PDE4D: variants seen among roughly 807,000 people sequenced by gnomAD.
PDE4D encodes the protein 3',5'-cyclic-AMP phosphodiesterase 4D.
A neutral mutation model predicts 87.4 loss-of-function variants in PDE4D; 24 were observed. The ratio of observed to expected loss-of-function variants is 0.27; its 90% confidence interval spans 0.20 to 0.39. The LOEUF (loss-of-function observed/expected upper bound fraction) is 0.39, where lower values mean the gene tolerates loss of function less well. Among genes scored for constraint, PDE4D ranks in the 10% least tolerant of loss-of-function variants. The pLI, the probability that PDE4D is intolerant of heterozygous loss-of-function variation, is 1.00. For missense variants in PDE4D, 714 were observed against 1,041.0 expected (o/e 0.69, Z 4.32); for synonymous variants, 384 against 383.2 (o/e 1.00, Z -0.02).
rs566932016 is a variant in PDE4D, at chr5:59,791,758, C to T, written c.455+101410G>A. Among the ~76,000 whole-genome samples, 10 of 152,190 alleles carry T rather than the reference C, an allele frequency of 6.6e-5. No individual in the cohort carries two copies. The South Asian group carries it at 1.7e-3, about 25-fold the overall frequency. On this transcript the variant is annotated intron_variant, in intron 1 of 14. Transcript: ENST00000340635. ...ACAGGTCTAGGAGGGAGCAGACAGCCCCGGGCTTAGAATCCTAAGACTTGA... is the reference window on the plus strand; with the variant it reads ...ACAGGTCTAGGAGGGAGCAGACAGCTCCGGGCTTAGAATCCTAAGACTTGA...
At chr5:59,415,168 T>C (rs1203368302) in intron 1 of PDE4D, among the ~76,000 whole-genome samples, 1 of 152,144 alleles carries the variant, frequency 6.6e-6, no homozygotes, top group Non-Finnish European at 1.5e-5. Context: ...TCAGAGGACT[T>C]GACCTTCTGG....
At chr5:59,507,084 C>T (rs761236320) in intron 1 of PDE4D, among the ~76,000 whole-genome samples, 3 of 152,188 alleles carry the variant, frequency 2.0e-5, no homozygotes, top group Non-Finnish European at 4.4e-5. Context: ...GTAATCCCAG[C>T]ACTTTGGCAG....
At chr5:59,576,785 C>T (rs555885891) in intron 1 of PDE4D, among the ~76,000 whole-genome samples, 18 of 152,262 alleles carry the variant, frequency 1.2e-4, no homozygotes, top group African/African-American at 3.8e-4. Flanking sequence ...AGCATTCAAC[C>T]TCTCTCAAAA....
At chr5:60,425,613 C>T (rs200964828) in intron 1 of PDE4D, among the ~76,000 whole-genome samples, 109 of 152,230 alleles carry the variant, frequency 7.2e-4, no homozygotes, top group African/African-American at 2.4e-3. Flanking sequence ...ATTCAGGACA[C>T]AGGCATGGGC....
chr5:60,075,261 G>T (rs914265072), intron 2 of PDE4D, among the ~76,000 whole-genome samples: 2 of 152,126 alleles, frequency 1.3e-5, no homozygotes, highest in African/African-American at 2.4e-5. Flanking sequence ...TTTCTTCTTT[G>T]CTTATGACAC....
intron 1 of PDE4D, among the ~76,000 whole-genome samples, chr5:59,499,481 T>C (rs1807873289): frequency 6.7e-6 from 1 of 148,708 alleles, no homozygotes; most frequent in East Asian, 1.9e-4. Flanking sequence ...ATATACAAAA[T>C]GAGAAGTTTG....
intron 1 of PDE4D, among the ~76,000 whole-genome samples, chr5:59,719,343 T>C (rs1411864777): frequency 6.6e-6 from 1 of 152,186 alleles, no homozygotes; most frequent in African/African-American, 2.4e-5. Flanking sequence ...CACCTCATTA[T>C]ATAGTATTTC....
intron 2 of PDE4D, among the ~76,000 whole-genome samples, chr5:60,165,096 A>G (rs904249955): frequency 1.3e-5 from 2 of 152,164 alleles, no homozygotes; most frequent in Admixed American, 1.3e-4. Context: ...TATGAGATCA[A>G]TGATTTTAGA....
At chr5:59,856,906 T>C (rs1264441727) in intron 1 of PDE4D, among the ~76,000 whole-genome samples, 1 of 152,190 alleles carries the variant, frequency 6.6e-6, no homozygotes, top group Non-Finnish European at 1.5e-5. Flanking sequence ...GTCCTTTTTT[T>C]TCTACAACCC....
At chr5:60,112,984 T>A (rs1369479485) in intron 2 of PDE4D, among the ~76,000 whole-genome samples, 1 of 152,038 alleles carries the variant, frequency 6.6e-6, no homozygotes, top group Non-Finnish European at 1.5e-5. Flanking sequence ...GGGCATCCAA[T>A]CCAGGGAGAT....
chr5:59,293,653 A>G (rs1768479722), intron 1 of PDE4D, among the ~76,000 whole-genome samples: 1 of 152,186 alleles, frequency 6.6e-6, no homozygotes, highest in Non-Finnish European at 1.5e-5. Flanking sequence ...CAATAACCAA[A>G]TGCATTTTTT....
intron 1 of PDE4D, among the ~76,000 whole-genome samples, chr5:59,367,740 A>G (rs1415042256): frequency 2.6e-5 from 4 of 152,250 alleles, no homozygotes; most frequent in Admixed American, 1.3e-4. Flanking sequence ...CAGAAGCATA[A>G]CTAGAGAAGA....
At chr5:59,174,438 G>A (rs1783502523) in intron 5 of PDE4D, 1 of 152,594 alleles carries the variant, frequency 6.6e-6, no homozygotes, top group Admixed American at 6.5e-5. Context: ...CCCCCTACAG[G>A]TAAAGAGCAG....
At chr5:60,356,626 C>T (rs1486762367) in intron 1 of PDE4D, among the ~76,000 whole-genome samples, 1 of 152,124 alleles carries the variant, frequency 6.6e-6, no homozygotes, top group Non-Finnish European at 1.5e-5. Flanking sequence ...GAGAAATTTA[C>T]TAGTTTTCCT....
Position 59,845,555 on chromosome 5 carries a change from CAT to C in PDE4D, c.455+47611_455+47612del, listed in dbSNP as rs1186061037. On this transcript the variant is annotated intron_variant, in intron 1 of 14. Coordinates refer to ENST00000340635, the MANE Select transcript of PDE4D (RefSeq NM_001104631.2). Reference sequence around the variant, plus strand: ...TGGGACATCTCAGGAAATAGCAACACATGTGAATACAATGCAAACTTAAATTT... The same window carrying C: ...TGGGACATCTCAGGAAATAGCAACACGTGAATACAATGCAAACTTAAATTT... Among the ~76,000 whole-genome samples the C allele has an allele frequency of 3.3e-5, 5 of 152,190 alleles. No homozygotes were observed. The East Asian group carries it at 5.8e-4, about 18-fold the overall frequency.
chr5:59,544,388 G>A (rs1278384094), intron 1 of PDE4D, among the ~76,000 whole-genome samples: 3 of 152,158 alleles, frequency 2.0e-5, no homozygotes, highest in Non-Finnish European at 4.4e-5. Flanking sequence ...GCTCCTCATC[G>A]AGTCTGGTAA....
chr5:59,921,014 T>TAA (rs911706508), intron 3 of PDE4D, among the ~76,000 whole-genome samples: 1 of 152,026 alleles, frequency 6.6e-6, no homozygotes, highest in Non-Finnish European at 1.5e-5. Context: ...TAAAGTATAT[T>TAA]AAAAAAAGTG....
chr5:59,794,111 A>G (rs1032271818), intron 1 of PDE4D, among the ~76,000 whole-genome samples: 1 of 150,490 alleles, frequency 6.6e-6, no homozygotes, highest in Admixed American at 6.7e-5. Flanking sequence ...AGACATGGAC[A>G]GATACACAGA....
rs149013245 is a variant in PDE4D, at chr5:59,259,112, C to T, written c.456-43144G>A. ...AAACAGTAACTTGTTTTAAGACTAA[C>T]ATGAAAACACAAACATAAACAAGAA... On this transcript the variant is annotated intron_variant, in intron 1 of 14. Transcript: ENST00000340635. 3.6e-3 allele frequency among the ~76,000 whole-genome samples: 546 copies of T among 151,952 alleles called. 4 individuals carry two copies. The highest frequency in any genetic ancestry group is 0.013 in the African/African-American group (524 of 41,532).
Sources: allele counts gnomAD v4.1 joint callset (sites outside exome capture counted in the v4.1 genomes callset), GRCh38; gene constraint gnomAD v4.1.1; transcripts MANE v1.5; gene names NCBI Gene and HGNC (gene_info 2026-07-23, HGNC 2026-07-21).